Variants in GRIK4 observed in about 807,000 individuals in gnomAD.
GRIK4 encodes the protein glutamate receptor ionotropic, kainate 4.
Under a neutral mutation model 104.9 loss-of-function variants are expected in GRIK4, and 40 were observed. The ratio of observed to expected loss-of-function variants is 0.38; its 90% confidence interval spans 0.30 to 0.50. The LOEUF (loss-of-function observed/expected upper bound fraction) is 0.50, where lower values mean the gene tolerates loss of function less well. GRIK4 is among the 20% of genes least tolerant of loss of function. The probability of loss-of-function intolerance (pLI) is 0.93; values close to 1 mark genes in which losing one functional copy is unlikely to be tolerated. For missense variants in GRIK4, 1,047 were observed against 1,308.1 expected, an observed-to-expected ratio of 0.80 and a Z score of 3.08; for synonymous variants, 485 against 524.9, an observed-to-expected ratio of 0.92 and a Z score of 1.04.
At chr11:120,733,736 C>CTTT (rs1162073446) in intron 3 of GRIK4, among the ~76,000 whole-genome samples, 1 of 144,982 alleles carries the variant, frequency 6.9e-6, no homozygotes, top group Admixed American at 6.9e-5. Context: ...GTCTTTCTCC[C>CTTT]TTTTTTTTTT....
At position 120,966,112 on chromosome 11, in the gene GRIK4, C is replaced by T. The variant is rs11218086; in HGVS notation, c.2267-1083C>T. Among the ~76,000 whole-genome samples the T allele has an allele frequency of 6.7e-3, 1,026 of 152,210 alleles. 9 individuals are homozygous for T. The highest frequency in any genetic ancestry group is 0.024 in the African/African-American group (979 of 41,526). On this transcript the variant is annotated intron_variant, in intron 18 of 20. Transcript: ENST00000527524. ...TAGAACCAAAGCTCCTTGACAAAAT[C>T]GCGTTAGAAAAATTAAAAAGAATGG...
At chr11:120,962,803 C>A in intron 18 of GRIK4, 122 bp downstream of exon 18, 1 of 595,690 alleles carries the variant, frequency 1.7e-6, no homozygotes, top group Non-Finnish European at 2.9e-6. Flanking sequence ...TTAACAGTGA[C>A]TTTACGTGGG....
At chr11:120,830,864 ACCCCCACCCCCCACATTTCCCT>A (rs1364944379) in intron 6 of GRIK4, among the ~76,000 whole-genome samples, 1 of 120,876 alleles carries the variant, frequency 8.3e-6, no homozygotes, top group Non-Finnish European at 1.7e-5. Flanking sequence ...CCCCCACATC[ACCCCCACCCCCCACATTTCCCT>A]CCCCCACCCC....
In GRIK4 at chr11:120,940,453, T is replaced by A; in HGVS notation, c.1583T>A (p.Val528Asp). ...CTGGGAATTAGCATTCTTTACCGCGTTCATATGGTAAGAGACTTATTTTAT... is the reference window on the plus strand; with the variant it reads ...CTGGGAATTAGCATTCTTTACCGCGATCATATGGTAAGAGACTTATTTTAT... Reference protein sequence around the residue: ...MTLGISILYRVHMGRKPGYFS... With the variant: ...MTLGISILYRDHMGRKPGYFS... The change falls in exon 14 of 21, where the codon GTT becomes GAT. Residue 528 changes from valine to aspartate, a missense_variant. By Grantham distance (152) the Val-to-Asp change is radical. Coordinates refer to ENST00000527524, the MANE Select transcript of GRIK4 (RefSeq NM_014619.5). This position sits in a 1 kb window ranked among gnomAD's most constrained non-coding sequence, Gnocchi z 4.3. 1 of 1,573,478 alleles carries A rather than the reference T, an allele frequency of 6.4e-7. No individual in the cohort carries two copies. The highest frequency in any genetic ancestry group is 8.7e-7 in the Non-Finnish European group (1 of 1,143,446).
chr11:120,868,256 A>G (rs909089195), intron 9 of GRIK4: 1 of 152,232 alleles, frequency 6.6e-6, no homozygotes, highest in Admixed American at 6.5e-5. Flanking sequence ...ACAATTTGCA[A>G]ACAGCTCAAA....
rs947111137 is a variant in GRIK4 at position 120,572,624 on chromosome 11, C to T, written c.-159+60737C>T. On this transcript the variant is annotated intron_variant, in intron 1 of 20. Transcript: ENST00000527524. ...CATCACCTCCTAAAGCACTGCCTTTCTTGGGAAGTTTTCCAGGTAGAGTGG... is the reference window on the plus strand; with the variant it reads ...CATCACCTCCTAAAGCACTGCCTTTTTTGGGAAGTTTTCCAGGTAGAGTGG... Among the ~76,000 whole-genome samples the T allele has an allele frequency of 6.6e-5, 10 of 152,194 alleles. 1 individual carries two copies. Among genetic ancestry groups the T allele is most frequent in the Non-Finnish European group, 1.0e-4 (7 of 68,038 alleles).
At chr11:120,796,882 C>T (rs1023812268) in intron 3 of GRIK4, among the ~76,000 whole-genome samples, 26 of 151,666 alleles carry the variant, frequency 1.7e-4, no homozygotes, top group African/African-American at 5.6e-4. Flanking sequence ...AGCTGGAAGG[C>T]GCTGCAGGGG....
intron 3 of GRIK4, among the ~76,000 whole-genome samples, chr11:120,794,984 TG>T (rs1233600204): frequency 3.3e-5 from 5 of 151,958 alleles, no homozygotes; most frequent in Admixed American, 1.3e-4. Context: ...GTGATGGGGA[TG>T]GGCTGTAGCT....
intron 7 of GRIK4, among the ~76,000 whole-genome samples, chr11:120,832,339 G>A (rs1953452642): frequency 6.6e-6 from 1 of 152,190 alleles, no homozygotes; most frequent in African/African-American, 2.4e-5. Context: ...AGGGGCTAGG[G>A]TGGGGCACCT....
intron 3 of GRIK4, among the ~76,000 whole-genome samples, chr11:120,747,272 C>T (rs992022724): frequency 3.9e-5 from 6 of 152,146 alleles, no homozygotes; most frequent in South Asian, 2.1e-4. Flanking sequence ...CCTATTAATC[C>T]GCTGGTCTTT....
At chr11:120,632,565 C>T (rs754649974) in intron 1 of GRIK4, among the ~76,000 whole-genome samples, 2 of 152,132 alleles carry the variant, frequency 1.3e-5, no homozygotes, top group Non-Finnish European at 2.9e-5. Flanking sequence ...ATATAGAAGT[C>T]TAACACTTGT....
In GRIK4 at chr11:120,585,450, G is replaced by A. The variant is rs112836821; in HGVS notation, c.-158-68235G>A. 9.7e-4 allele frequency among the ~76,000 whole-genome samples: 148 copies of A among 151,988 alleles called. 2 individuals are homozygous for A. Among genetic ancestry groups the A allele is most frequent in the African/African-American group, 3.3e-3 (137 of 41,466 alleles). Reference sequence around the variant, plus strand: ...CTGCAACCTCTGCCTCCTGGTTCAAGCGATTCTGGTGCCTTAGCCTCCTGA... The same window carrying A: ...CTGCAACCTCTGCCTCCTGGTTCAAACGATTCTGGTGCCTTAGCCTCCTGA... On this transcript the variant is annotated intron_variant, in intron 1 of 20. Transcript: ENST00000527524.
chr11:120,770,222 C>T (rs1444538563), intron 3 of GRIK4, among the ~76,000 whole-genome samples: 2 of 152,182 alleles, frequency 1.3e-5, no homozygotes, highest in Non-Finnish European at 2.9e-5. Context: ...AACATACACA[C>T]AAAAATCTTC....
intron 5 of GRIK4, among the ~76,000 whole-genome samples, chr11:120,817,623 C>G (rs536296828): frequency 2.0e-5 from 3 of 152,316 alleles, no homozygotes; most frequent in African/African-American, 7.2e-5. Flanking sequence ...CTTCTTGTCC[C>G]CCACACACCT....
At chr11:120,688,308 T>C (rs1332593946) in intron 3 of GRIK4, among the ~76,000 whole-genome samples, 1 of 152,218 alleles carries the variant, frequency 6.6e-6, no homozygotes, top group Non-Finnish European at 1.5e-5. Flanking sequence ...GGCCACAAAC[T>C]ATCCCACCCT....
At chr11:120,688,267 G>A (rs1169721136) in intron 3 of GRIK4, among the ~76,000 whole-genome samples, 1 of 152,182 alleles carries the variant, frequency 6.6e-6, no homozygotes, top group Non-Finnish European at 1.5e-5. Context: ...ATTTCTTCTA[G>A]CATTTCTAGT....
chr11:120,891,446 T>C (rs999042360), intron 11 of GRIK4, among the ~76,000 whole-genome samples: 4 of 152,246 alleles, frequency 2.6e-5, no homozygotes, highest in African/African-American at 2.4e-5. Flanking sequence ...CTTAGCAGCA[T>C]GTGACTTTGG....
intron 19 of GRIK4, among the ~76,000 whole-genome samples, chr11:120,969,681 G>C (rs1285170515): frequency 6.6e-6 from 1 of 152,156 alleles, no homozygotes; most frequent in Non-Finnish European, 1.5e-5. Flanking sequence ...ATGAGTTAAA[G>C]GATGGCAGGA....
intron 3 of GRIK4, among the ~76,000 whole-genome samples, chr11:120,729,699 T>C (rs1386281544): frequency 6.6e-6 from 1 of 152,190 alleles, no homozygotes; most frequent in Non-Finnish European, 1.5e-5. Context: ...TATTTTCTTC[T>C]ATTCTGTGGG....
Sources: allele counts gnomAD v4.1 joint callset (sites outside exome capture counted in the v4.1 genomes callset), GRCh38; gene constraint gnomAD v4.1.1; non-coding constraint Gnocchi (gnomAD v3.1); transcripts MANE v1.5; gene names NCBI Gene and HGNC (gene_info 2026-07-23, HGNC 2026-07-21).